UBXN2A: variants seen among roughly 807,000 people sequenced by gnomAD.
UBXN2A encodes UBX domain-containing protein 2A.
UBXN2A carries 28 observed loss-of-function variants against 28.4 expected under a neutral mutation model. That is an observed-to-expected ratio of 0.99 (90% CI 0.73 to 1.35). The LOEUF (loss-of-function observed/expected upper bound fraction) is 1.35. UBXN2A is among the 40% of genes most tolerant of loss of function. The pLI, the probability that UBXN2A is intolerant of heterozygous loss-of-function variation, is 0.00. For synonymous variants in UBXN2A, 97 were observed against 103.6 expected, an observed-to-expected ratio of 0.94 and a Z score of 0.39; for missense variants, 253 against 297.9, an observed-to-expected ratio of 0.85 and a Z score of 1.11.
intron 2 of UBXN2A, among the ~76,000 whole-genome samples, chr2:23,970,565 C>G (rs1466157127): frequency 6.6e-6 from 1 of 151,998 alleles, no homozygotes; most frequent in East Asian, 1.9e-4. Context: ...TTCCACGGAC[C>G]TGTCAGGAGA....
chr2:23,938,005 C>T (rs1287230878), upstream of UBXN2A, among the ~76,000 whole-genome samples: 2 of 152,102 alleles, frequency 1.3e-5, no homozygotes, highest in Non-Finnish European at 2.9e-5. Context: ...AGAAAAGATA[C>T]AGTAAAAATA....
upstream of UBXN2A, among the ~76,000 whole-genome samples, chr2:23,935,694 T>C (rs866342295): frequency 2.8e-4 from 42 of 152,186 alleles, no homozygotes; most frequent in African/African-American, 9.4e-4. Context: ...GAAAACAATA[T>C]GACTGGTCCT....
intron 6 of UBXN2A, among the ~76,000 whole-genome samples, chr2:23,997,736 G>A (rs534699591): frequency 2.5e-4 from 37 of 149,074 alleles, no homozygotes; most frequent in African/African-American, 7.2e-4. Context: ...GTGAGCCACC[G>A]TACCCGGCCT....
At chr2:23,982,176 G>A (rs1707936481) in intron 4 of UBXN2A, among the ~76,000 whole-genome samples, 4 of 149,154 alleles carry the variant, frequency 2.7e-5, no homozygotes, top group Admixed American at 1.3e-4. Context: ...TGGCTAACAC[G>A]ATGAAACTCC....
In UBXN2A at chr2:24,000,882, A is replaced by G. The variant is rs1311991654; in HGVS notation, c.*1015A>G. 1.3e-5 allele frequency: 2 copies of G among 152,190 alleles called. No individual in the cohort carries two copies. Among genetic ancestry groups the G allele is most frequent in the Non-Finnish European group, 2.9e-5 (2 of 68,030 alleles). 9.4% of individuals were successfully genotyped at this position (152,190 alleles called of 1,614,324 possible). On this transcript the variant is annotated 3_prime_UTR_variant, in exon 7 of 7. Coordinates refer to ENST00000309033, the MANE Select transcript of UBXN2A (RefSeq NM_181713.4). ...AAAAATTATGGATTTGTTTTTGGCT[A>G]ACATTTGGGATTAGCCATTCATTTG... is the stretch of plus-strand genomic sequence containing the variant.
chr2:23,997,521 G>A (rs1279566875), intron 6 of UBXN2A, among the ~76,000 whole-genome samples: 6 of 151,878 alleles, frequency 4.0e-5, no homozygotes, highest in African/African-American at 1.2e-4. Flanking sequence ...GCGCAATCTC[G>A]GCTCACTGCA....
chr2:23,940,706 C>T (rs1238219582), intron 1 of UBXN2A, 58 bp downstream of exon 1: 1 of 151,746 alleles, frequency 6.6e-6, no homozygotes, highest in Non-Finnish European at 1.5e-5. Flanking sequence ...GGGGCGGTCG[C>T]CTGCCGGCTG....
At chr2:23,991,721 C>A (rs979319448) in intron 6 of UBXN2A, among the ~76,000 whole-genome samples, 15 of 152,112 alleles carry the variant, frequency 9.9e-5, no homozygotes, top group Middle Eastern at 6.3e-3. Flanking sequence ...GTCCGCTCAC[C>A]TTGGCCTCCC....
chr2:23,936,640 C>T (rs1345111858), upstream of UBXN2A, among the ~76,000 whole-genome samples: 1 of 152,096 alleles, frequency 6.6e-6, no homozygotes, highest in Middle Eastern at 3.4e-3. Context: ...AAAACATACA[C>T]CTAACATCAT....
Position 24,003,809 on chromosome 2 carries a change from A to G in UBXN2A, c.*3942A>G, listed in dbSNP as rs1338402146. On this transcript the variant is annotated 3_prime_UTR_variant, in exon 7 of 7. Transcript: ENST00000309033. ...AGAAAATAACAGGATGACAGTTAAT[A>G]CATGTTCAGGAATCTAAGAAAATGT... 6.6e-6 allele frequency: 1 copy of G among 151,870 alleles called. No individual in the cohort carries two copies. The highest frequency in any genetic ancestry group is 1.5e-5 in the Non-Finnish European group (1 of 67,998). The allele number at this position is 151,870 out of a possible 1,614,324, so 9.4% of individuals were successfully genotyped here.
chr2:23,986,036 C>T (rs1166344181), intron 6 of UBXN2A, among the ~76,000 whole-genome samples: 7 of 151,952 alleles, frequency 4.6e-5, no homozygotes, highest in East Asian at 1.9e-4. Context: ...TGGCCGGGCA[C>T]GGTGGCTCAC....
chr2:23,995,246 A>G (rs1280139206), intron 6 of UBXN2A, among the ~76,000 whole-genome samples: 3 of 151,982 alleles, frequency 2.0e-5, no homozygotes, highest in African/African-American at 4.8e-5. Flanking sequence ...CACTGCTACA[A>G]ATTGGAAAGT....
intron 1 of UBXN2A, among the ~76,000 whole-genome samples, chr2:23,950,792 C>T (rs1179377035): frequency 1.3e-5 from 2 of 152,006 alleles, no homozygotes; most frequent in Non-Finnish European, 2.9e-5. Context: ...CAACCTCCAC[C>T]CGCCGGGTTC....
At chr2:23,958,274 T>G in intron 1 of UBXN2A, 27 bp from the exon 2 acceptor site, 1 of 1,567,934 alleles carries the variant, frequency 6.4e-7, no homozygotes, top group Middle Eastern at 1.8e-4. Flanking sequence ...TACTTTCTTT[T>G]TACTTACTTT....
At chr2:23,963,168 C>G (rs1707008368) in intron 2 of UBXN2A, among the ~76,000 whole-genome samples, 1 of 152,084 alleles carries the variant, frequency 6.6e-6, no homozygotes, top group Non-Finnish European at 1.5e-5. Context: ...CATGGGAATT[C>G]AGGATGAGAT....
At chr2:23,940,920 A>G (rs1294401242) in intron 1 of UBXN2A, among the ~76,000 whole-genome samples, 4 of 152,220 alleles carry the variant, frequency 2.6e-5, no homozygotes, top group South Asian at 2.1e-4. Flanking sequence ...CTGAAGGCAC[A>G]GCTCCTGGTT....
intron 4 of UBXN2A, among the ~76,000 whole-genome samples, chr2:23,978,390 TC>T (rs1405978310): frequency 6.6e-6 from 1 of 152,166 alleles, no homozygotes; most frequent in African/African-American, 2.4e-5. Context: ...ATGCCTGTCA[TC>T]CCAGCACTTT....
At chr2:23,944,781 C>T (rs1158497045) in intron 1 of UBXN2A, among the ~76,000 whole-genome samples, 2 of 152,064 alleles carry the variant, frequency 1.3e-5, no homozygotes, top group Non-Finnish European at 2.9e-5. Flanking sequence ...AAGGACAGTT[C>T]TGTTCATTGG....
intron 1 of UBXN2A, among the ~76,000 whole-genome samples, chr2:23,934,501 G>A (rs1161488213): frequency 6.6e-6 from 1 of 152,174 alleles, no homozygotes; most frequent in East Asian, 1.9e-4. Context: ...CTGGATGGTT[G>A]GCAGGGCTAC....
Sources: gnomAD v4.1 joint callset for allele counts (sites outside exome capture counted in the v4.1 genomes callset) on GRCh38, gnomAD v4.1.1 for gene constraint, MANE v1.5 for transcripts, NCBI Gene and HGNC (gene_info 2026-07-23, HGNC 2026-07-21) for gene names.